SEMA3A: variants seen among roughly 807,000 people sequenced by gnomAD.
The protein encoded by SEMA3A is semaphorin 3A.
In SEMA3A, 29 loss-of-function variants were observed where a neutral mutation model predicts 97.9. That is an observed-to-expected ratio of 0.30 (90% CI 0.22 to 0.40). The LOEUF is 0.40. Among genes scored for constraint, SEMA3A ranks in the 10% least tolerant of loss-of-function variants. The pLI is 1.00. For missense variants in SEMA3A, 763 were observed against 951.3 expected, an observed-to-expected ratio of 0.80 and a Z score of 2.60; for synonymous variants, 321 against 323.7, an observed-to-expected ratio of 0.99 and a Z score of 0.09.
chr7:84,146,548 A>G (rs1317907197), intron 1 of SEMA3A, among the ~76,000 whole-genome samples: 1 of 152,226 alleles, frequency 6.6e-6, no homozygotes, highest in Non-Finnish European at 1.5e-5. Flanking sequence ...AATTTACAAA[A>G]TAACTAATGA....
In SEMA3A at chr7:84,123,799, T is replaced by G. The variant is rs963546998; in HGVS notation, c.333+5324A>C. On this transcript the variant is annotated intron_variant, in intron 3 of 16. Coordinates refer to ENST00000265362, the MANE Select transcript of SEMA3A (RefSeq NM_006080.3). ...TATCTGATAACCTTATATATATATA[T>G]TTATCTGATAACCTGATATATATAT... is the stretch of plus-strand genomic sequence containing the variant. 2.7e-5 allele frequency among the ~76,000 whole-genome samples: 4 copies of G among 149,694 alleles called. No homozygotes were observed. The East Asian group carries it at 7.8e-4, about 29-fold the overall frequency.
intron 9 of SEMA3A, among the ~76,000 whole-genome samples, chr7:84,009,143 T>A (rs1190855885): frequency 2.0e-5 from 3 of 152,230 alleles, no homozygotes; most frequent in African/African-American, 7.2e-5. Context: ...AGGTCCCATT[T>A]AATTTCTATT....
At chr7:84,052,590 A>G (rs1386006388) in intron 5 of SEMA3A, among the ~76,000 whole-genome samples, 1 of 151,342 alleles carries the variant, frequency 6.6e-6, no homozygotes, top group Non-Finnish European at 1.5e-5. Context: ...TGTCTATTTG[A>G]TTCTTCTCTC....
At chr7:84,465,591 T>G (rs984625364) in intron 1 of SEMA3A, among the ~76,000 whole-genome samples, 1 of 152,202 alleles carries the variant, frequency 6.6e-6, no homozygotes, top group African/African-American at 2.4e-5. Context: ...CAAATGTTTA[T>G]CTGAAAATTT....
chr7:84,475,168 T>C lies in SEMA3A; in HGVS notation c.-246+17292A>G, dbSNP rs55660980. 1.0e-3 allele frequency among the ~76,000 whole-genome samples: 156 copies of C among 152,022 alleles called. 1 individual carries two copies. Among genetic ancestry groups the C allele is most frequent in the African/African-American group, 3.5e-3 (147 of 41,478 alleles). ...CCCATCTCATACTCCCTGGTGAATG[T>C]GTGTTTTGTTTTTTTTTTAACTATA... On this transcript the variant is annotated intron_variant, in intron 1 of 3. Coordinates refer to the SEMA3A transcript ENST00000424555.
rs1379617870 is a variant in SEMA3A, at chr7:84,463,136, T to G, written c.-246+29324A>C. Among the ~76,000 whole-genome samples the G allele has an allele frequency of 2.0e-5, 3 of 152,036 alleles. No individual in the cohort carries two copies. The East Asian group carries it at 5.8e-4, about 29-fold the overall frequency. The stretch of plus-strand genomic sequence containing the variant: ...TTTTTCATTTTTTAATATCTCTCTT[T>G]CCTCAGCACTCAGAATCTACATTCT... On this transcript the variant is annotated intron_variant, in intron 1 of 3. Coordinates refer to the SEMA3A transcript ENST00000424555.
intron 12 of SEMA3A, among the ~76,000 whole-genome samples, chr7:84,000,069 A>G (rs1790378753): frequency 6.6e-6 from 1 of 152,084 alleles, no homozygotes; most frequent in South Asian, 2.1e-4. Flanking sequence ...AAGACATTTT[A>G]GGTTTTGGCG....
chr7:84,463,439 G>T (rs999962845), intron 1 of SEMA3A, among the ~76,000 whole-genome samples: 18 of 151,420 alleles, frequency 1.2e-4, no homozygotes, highest in African/African-American at 3.9e-4. Context: ...TAGTAGAGAC[G>T]GGGTTTCACC....
chr7:84,055,679 C>CTCGGAGCTGTAGA (rs948227123), intron 5 of SEMA3A, among the ~76,000 whole-genome samples: 1 of 152,218 alleles, frequency 6.6e-6, no homozygotes, highest in Non-Finnish European at 1.5e-5. Context: ...GTTGCTCACG[C>CTCGGAGCTGTAGA]TCGGAGCTGT....
At chr7:84,453,366 A>G (rs1358417504) in intron 1 of SEMA3A, among the ~76,000 whole-genome samples, 1 of 151,322 alleles carries the variant, frequency 6.6e-6, no homozygotes, top group Non-Finnish European at 1.5e-5. Flanking sequence ...CCTCCCGAGT[A>G]GCTGGGACTA....
At chr7:84,102,820 A>T (rs1289704842) in intron 4 of SEMA3A, among the ~76,000 whole-genome samples, 1 of 151,720 alleles carries the variant, frequency 6.6e-6, no homozygotes, top group Non-Finnish European at 1.5e-5. Flanking sequence ...ACCTCAAATG[A>T]TCCGCCCACC....
At chr7:84,221,732 A>G (rs1798887338) in intron 3 of SEMA3A, among the ~76,000 whole-genome samples, 1 of 152,008 alleles carries the variant, frequency 6.6e-6, no homozygotes, top group South Asian at 2.1e-4. Flanking sequence ...TGTCTTACAT[A>G]GGCATAGTTT....
intron 3 of SEMA3A, among the ~76,000 whole-genome samples, chr7:84,215,022 A>C (rs7787024): frequency 0.7 from 105,658 of 151,058 alleles, 37,263 homozygotes; most frequent in East Asian, 0.79. Flanking sequence ...CAGGCGCATG[A>C]CACCACGCCA....
At chr7:83,964,314 T>C (rs1015791891) in intron 15 of SEMA3A, among the ~76,000 whole-genome samples, 4 of 152,188 alleles carry the variant, frequency 2.6e-5, no homozygotes, top group African/African-American at 9.7e-5. Context: ...AATAAATATG[T>C]TTTACATGCA....
intron 1 of SEMA3A, among the ~76,000 whole-genome samples, chr7:84,149,328 C>T (rs1796557828): frequency 2.0e-5 from 3 of 152,156 alleles, no homozygotes; most frequent in Non-Finnish European, 2.9e-5. Context: ...TAATTGTCTA[C>T]AATTGGGTCA....
chr7:84,348,626 C>T (rs575669083), intron 2 of SEMA3A, among the ~76,000 whole-genome samples: 24 of 152,224 alleles, frequency 1.6e-4, no homozygotes, highest in African/African-American at 5.1e-4. Flanking sequence ...GTCAGAATCT[C>T]GGTTCTATTT....
intron 3 of SEMA3A, among the ~76,000 whole-genome samples, chr7:84,243,161 A>C (rs77913959): frequency 7.9e-5 from 12 of 152,304 alleles, no homozygotes; most frequent in Non-Finnish European, 1.5e-4. Context: ...TGCTGGCCTC[A>C]TAAACTGAGT....
At chr7:84,141,714 A>G (rs887394185) in intron 1 of SEMA3A, among the ~76,000 whole-genome samples, 6 of 151,650 alleles carry the variant, frequency 4.0e-5, no homozygotes, top group African/African-American at 1.5e-4. Context: ...GTTCCCCTCT[A>G]TGTATTGTTC....
intron 2 of SEMA3A, among the ~76,000 whole-genome samples, chr7:84,318,805 G>T (rs1801577642): frequency 6.6e-6 from 1 of 152,070 alleles, no homozygotes; most frequent in East Asian, 1.9e-4. Flanking sequence ...GTATCATCTT[G>T]GGAATGCATT....
Sources: allele counts gnomAD v4.1 joint callset (sites outside exome capture counted in the v4.1 genomes callset), GRCh38; gene constraint gnomAD v4.1.1; transcripts MANE v1.5; gene names NCBI Gene and HGNC (gene_info 2026-07-23, HGNC 2026-07-21).